The following AUTS2 variants were observed in gnomAD, a reference collection of about 807,000 sequenced individuals.
The protein encoded by AUTS2 is autism susceptibility gene 2 protein.
In AUTS2, 17 loss-of-function variants were observed where a neutral mutation model predicts 112.4. That is an observed-to-expected ratio of 0.15 (90% confidence interval 0.10 to 0.23). The LOEUF (loss-of-function observed/expected upper bound fraction) is 0.23. Ranked by LOEUF, AUTS2 falls within the 10% of genes least tolerant of loss-of-function variation. AUTS2 has a pLI of 1.00. For missense variants in AUTS2, 1,510 were observed against 1,701.6 expected (o/e 0.89, Z 1.98); for synonymous variants, 751 against 702.7 (o/e 1.07, Z -1.09).
intron 5 of AUTS2, among the ~76,000 whole-genome samples, chr7:70,496,912 C>T (rs1433608249): frequency 6.8e-6 from 1 of 147,260 alleles, no homozygotes; most frequent in African/African-American, 2.5e-5. Flanking sequence ...ACACCCCTCA[C>T]ACACACCACG....
At chr7:69,728,314 G>C (rs756010952) in intron 1 of AUTS2, among the ~76,000 whole-genome samples, 1 of 152,192 alleles carries the variant, frequency 6.6e-6, no homozygotes, top group Non-Finnish European at 1.5e-5. Flanking sequence ...CTGCAGTGCA[G>C]CCAACAAACC....
At chr7:70,713,475 A>G (rs955110500) in intron 6 of AUTS2, among the ~76,000 whole-genome samples, 2 of 152,248 alleles carry the variant, frequency 1.3e-5, no homozygotes, top group Non-Finnish European at 2.9e-5. Context: ...AGTTTAAGTA[A>G]GTTACCTAAA....
chr7:69,740,569 G>A (rs1444271656), intron 1 of AUTS2, among the ~76,000 whole-genome samples: 1 of 151,942 alleles, frequency 6.6e-6, no homozygotes, highest in East Asian at 1.9e-4. Flanking sequence ...TGTTGCCCAG[G>A]CTGGAGTGCA....
intron 5 of AUTS2, among the ~76,000 whole-genome samples, chr7:70,543,070 AG>A (rs1563028868): frequency 1.3e-5 from 2 of 152,222 alleles, no homozygotes; most frequent in Non-Finnish European, 2.9e-5. Context: ...AAAAGTCCCT[AG>A]GCTTAAACCA....
intron 2 of AUTS2, among the ~76,000 whole-genome samples, chr7:70,045,597 A>G (rs1213902858): frequency 1.3e-5 from 2 of 150,542 alleles, no homozygotes; most frequent in Middle Eastern, 3.2e-3. Context: ...ATTTTATTAT[A>G]TTATATTTTA....
chr7:70,354,985 T>G (rs979144696), intron 4 of AUTS2, among the ~76,000 whole-genome samples: 4 of 150,388 alleles, frequency 2.7e-5, no homozygotes, highest in African/African-American at 9.8e-5. Flanking sequence ...TATGTATGGG[T>G]GTGTGTGTGT....
At chr7:70,332,812 CT>C (rs1250654856) in intron 4 of AUTS2, among the ~76,000 whole-genome samples, 5 of 152,094 alleles carry the variant, frequency 3.3e-5, no homozygotes, top group African/African-American at 1.2e-4. Flanking sequence ...CAAAAATTAA[CT>C]CAGGATGGAT....
At chr7:70,722,459 C>T (rs979909015) in intron 6 of AUTS2, among the ~76,000 whole-genome samples, 1 of 152,086 alleles carries the variant, frequency 6.6e-6, no homozygotes, top group Non-Finnish European at 1.5e-5. Context: ...GCCAAATGAG[C>T]TTTTAGAGCT....
At chr7:69,861,445 C>G (rs1203954613) in intron 1 of AUTS2, among the ~76,000 whole-genome samples, 1 of 152,158 alleles carries the variant, frequency 6.6e-6, no homozygotes, top group African/African-American at 2.4e-5. Context: ...TGTACCATCT[C>G]ACAGTTATAA....
chr7:69,966,823 A>G (rs1353974819), intron 2 of AUTS2, among the ~76,000 whole-genome samples: 2 of 152,092 alleles, frequency 1.3e-5, no homozygotes, highest in Non-Finnish European at 2.9e-5. Flanking sequence ...TGGAAGTTTA[A>G]TGAGTTAGTA....
chr7:69,914,227 A>G (rs569443959), intron 2 of AUTS2, among the ~76,000 whole-genome samples: 4 of 152,252 alleles, frequency 2.6e-5, no homozygotes, highest in East Asian at 3.9e-4. Context: ...GTGGCACTCA[A>G]TAATTAAAGT....
intron 5 of AUTS2, among the ~76,000 whole-genome samples, chr7:70,691,981 A>G (rs1808778881): frequency 6.6e-6 from 1 of 151,012 alleles, no homozygotes; most frequent in South Asian, 2.1e-4. Context: ...CCCAGGTTCA[A>G]GCGATTCTCC....
chr7:69,678,741 G>A (rs1162221264), intron 1 of AUTS2, among the ~76,000 whole-genome samples: 1 of 152,220 alleles, frequency 6.6e-6, no homozygotes, highest in Non-Finnish European at 1.5e-5. Context: ...CACAAAACGA[G>A]AAAGACACGG....
chr7:70,190,730 C>T (rs1377329779), intron 4 of AUTS2, among the ~76,000 whole-genome samples: 1 of 152,120 alleles, frequency 6.6e-6, no homozygotes. Context: ...TTTAACCCAA[C>T]GTAGACTTTT....
At chr7:69,928,719 A>G (rs1796121300) in intron 2 of AUTS2, among the ~76,000 whole-genome samples, 1 of 151,842 alleles carries the variant, frequency 6.6e-6, no homozygotes, top group Non-Finnish European at 1.5e-5. Context: ...GGGCTTCCCG[A>G]GCCCCCAAGA....
intron 1 of AUTS2, among the ~76,000 whole-genome samples, chr7:69,766,523 T>C (rs961013455): frequency 6.6e-6 from 1 of 152,222 alleles, no homozygotes; most frequent in Non-Finnish European, 1.5e-5. Flanking sequence ...GAAACTACCG[T>C]ACTGTTTTCC....
intron 1 of AUTS2, among the ~76,000 whole-genome samples, chr7:69,761,414 C>A (rs1020872034): frequency 2.0e-5 from 3 of 152,020 alleles, no homozygotes; most frequent in African/African-American, 4.8e-5. Context: ...TGGGGGACAC[C>A]GACGTCTGTT....
At chr7:70,634,986 C>T (rs1805460094) in intron 5 of AUTS2, among the ~76,000 whole-genome samples, 1 of 152,086 alleles carries the variant, frequency 6.6e-6, no homozygotes, top group Non-Finnish European at 1.5e-5. Flanking sequence ...AGTCACAGAG[C>T]CTTATACCCC....
intron 1 of AUTS2, among the ~76,000 whole-genome samples, chr7:69,774,015 A>C (rs182798569): frequency 6.6e-6 from 1 of 152,220 alleles, no homozygotes; most frequent in African/African-American, 2.4e-5. Flanking sequence ...AATGTGACCC[A>C]GTGCCCTGCT....
Sources: allele counts gnomAD v4.1 joint callset (sites outside exome capture counted in the v4.1 genomes callset), GRCh38; gene constraint gnomAD v4.1.1; transcripts MANE v1.5; gene names NCBI Gene and HGNC (gene_info 2026-07-23, HGNC 2026-07-21).